CHN2: variants seen among roughly 807,000 people sequenced by gnomAD.
CHN2 encodes chimerin 2, also known as beta-chimaerin.
A neutral mutation model predicts 56.3 loss-of-function variants in CHN2; 35 were observed. The ratio of observed to expected loss-of-function variants is 0.62; its 90% CI spans 0.47 to 0.82. The LOEUF is 0.82. Ranked by LOEUF, CHN2 falls within the 40% of genes least tolerant of loss-of-function variation. The pLI is 0.00. For synonymous variants in CHN2, 210 were observed against 212.8 expected (o/e 0.99, Z 0.12); for missense variants, 491 against 580.5 (o/e 0.85, Z 1.58).
chr7:29,505,487 T>C (rs971093977), intron 10 of CHN2, among the ~76,000 whole-genome samples: 1 of 152,118 alleles, frequency 6.6e-6, no homozygotes, highest in African/African-American at 2.4e-5. Flanking sequence ...TCTTCAGACT[T>C]CTCTCCAGTT....
chr7:29,391,488 C>G (rs865822552), intron 3 of CHN2, among the ~76,000 whole-genome samples: 23 of 152,122 alleles, frequency 1.5e-4, no homozygotes, highest in African/African-American at 5.3e-4. Context: ...TAGTATATAT[C>G]TCATGCAATA....
intron 2 of CHN2, among the ~76,000 whole-genome samples, chr7:29,359,579 A>G (rs1204698249): frequency 6.6e-6 from 1 of 152,148 alleles, no homozygotes; most frequent in Admixed American, 6.5e-5. Context: ...AAAAAGCTTC[A>G]TGGCTTACTG....
At chr7:29,305,993 C>G (rs995306060) in intron 1 of CHN2, among the ~76,000 whole-genome samples, 16 of 151,986 alleles carry the variant, frequency 1.1e-4, no homozygotes, top group African/African-American at 3.9e-4. Flanking sequence ...ACTTCTAGCT[C>G]TGCTGGAATG....
At chr7:29,370,543 A>G (rs1271552276) in intron 3 of CHN2, among the ~76,000 whole-genome samples, 2 of 151,980 alleles carry the variant, frequency 1.3e-5, no homozygotes, top group Non-Finnish European at 1.5e-5. Context: ...TTGGTCTTCA[A>G]TCTATCTCTT....
intron 1 of CHN2, among the ~76,000 whole-genome samples, chr7:29,314,921 G>A (rs1168011666): frequency 2.0e-5 from 3 of 151,470 alleles, no homozygotes; most frequent in Admixed American, 6.6e-5. Context: ...TGATTAAAAC[G>A]ACATCTTGGG....
At chr7:29,294,097 A>G (rs2128871806) in intron 1 of CHN2, among the ~76,000 whole-genome samples, 1 of 151,710 alleles carries the variant, frequency 6.6e-6, no homozygotes, top group South Asian at 2.1e-4. Flanking sequence ...CGATCTCCTG[A>G]CCTCGTGATC....
chr7:29,186,039 A>C lies in CHN2; in HGVS notation c.274+39079A>C, dbSNP rs184178884. Among the ~76,000 whole-genome samples, 6 of 152,318 alleles carry C rather than the reference A, an allele frequency of 3.9e-5. No individual in the cohort carries two copies. In the East Asian group the frequency reaches 1.2e-3, roughly 29 times the overall value. ...TTGTTTGAGTAAGTTTAAGAAGTAAAAGTTCTAACTATGGAACTCTGAGCA... is the reference window on the plus strand; with the variant it reads ...TTGTTTGAGTAAGTTTAAGAAGTAACAGTTCTAACTATGGAACTCTGAGCA... On this transcript the variant is annotated intron_variant, in intron 2 of 6. Transcript: ENST00000439384.
At chr7:29,212,272 A>G in intron 1 of CHN2, 1 of 1,017,528 alleles carries the variant, frequency 9.8e-7, no homozygotes, top group South Asian at 1.3e-5. Context: ...CACCTCTTAA[A>G]TTTTTTCCCC....
chr7:29,276,782 A>C (rs942752023), intron 1 of CHN2, among the ~76,000 whole-genome samples: 3 of 152,182 alleles, frequency 2.0e-5, no homozygotes, highest in Non-Finnish European at 2.9e-5. Context: ...ATTTTAGATC[A>C]TTATATATGA....
At chr7:29,453,726 G>C (rs551439064) in intron 6 of CHN2, among the ~76,000 whole-genome samples, 3 of 152,262 alleles carry the variant, frequency 2.0e-5, no homozygotes, top group Middle Eastern at 3.4e-3. Context: ...GTTTGGATTT[G>C]ATAGAGAGAT....
At chr7:29,360,338 A>G (rs987473064) in intron 2 of CHN2, among the ~76,000 whole-genome samples, 1 of 152,080 alleles carries the variant, frequency 6.6e-6, no homozygotes, top group Admixed American at 6.5e-5. Flanking sequence ...CCTGACCAAT[A>G]TGGAGAAACC....
At chr7:29,352,797 G>A (rs1357604761) in intron 1 of CHN2, among the ~76,000 whole-genome samples, 3 of 152,166 alleles carry the variant, frequency 2.0e-5, no homozygotes, top group African/African-American at 7.2e-5. Flanking sequence ...CTGATGAGGT[G>A]GCATTGTATG....
Position 29,507,363 on chromosome 7 carries a change from C to T in CHN2, c.1127C>T (p.Ala376Val), listed in dbSNP as rs554558138. Residue 376 changes from alanine to valine, a missense_variant and splice_region_variant, in exon 11 of 13, where the codon GCA becomes GTA. Physicochemically the swap from Ala to Val is moderately conservative, Grantham distance 64. Coordinates refer to ENST00000222792, the MANE Select transcript of CHN2 (RefSeq NM_004067.4). ...ACCTATTCCAAATTTATAGATGCAG[C>T]AAGTAAGTACTTCAAATTAATTTTT... ...YDTYSKFIDA[A>V]KISNADERLE... 2.5e-6 allele frequency: 4 copies of T among 1,592,708 alleles called. No homozygotes were observed. The African/African-American group carries it at 4.1e-5, about 16-fold the overall frequency.
intron 3 of CHN2, among the ~76,000 whole-genome samples, chr7:29,374,911 A>T (rs1585196151): frequency 7.9e-6 from 1 of 126,026 alleles, no homozygotes; most frequent in African/African-American, 3.1e-5. Context: ...TTTTTGACGG[A>T]GTTTCGCTCT....
chr7:29,450,124 A>G (rs1479800378), intron 6 of CHN2, among the ~76,000 whole-genome samples: 1 of 152,226 alleles, frequency 6.6e-6, no homozygotes, highest in Non-Finnish European at 1.5e-5. Flanking sequence ...TTCTGTTTGC[A>G]GTGCACACTT....
intron 6 of CHN2, among the ~76,000 whole-genome samples, chr7:29,411,996 C>T (rs1803262926): frequency 6.6e-6 from 1 of 152,188 alleles, no homozygotes; most frequent in South Asian, 2.1e-4. Flanking sequence ...CCTCTGCTGT[C>T]CTTCATTCCC....
intron 9 of CHN2, among the ~76,000 whole-genome samples, chr7:29,503,241 C>T (rs907624749): frequency 1.3e-5 from 2 of 152,296 alleles, no homozygotes; most frequent in East Asian, 1.9e-4. Flanking sequence ...AGAGCAAGCT[C>T]GCTCTCTCAC....
intron 3 of CHN2, chr7:29,376,386 G>A (rs1358476278): frequency 1.3e-5 from 2 of 152,184 alleles, no homozygotes; most frequent in African/African-American, 4.8e-5. Flanking sequence ...TTCCAACCCA[G>A]ATAGTTCATA....
At chr7:29,273,339 A>ATATATG (rs1554387156) in intron 1 of CHN2, among the ~76,000 whole-genome samples, 8 of 82,274 alleles carry the variant, frequency 9.7e-5, no homozygotes, top group Middle Eastern at 5.6e-3. Context: ...ATATATATAT[A>ATATATG]TGTGTATATA....
Sources: allele counts gnomAD v4.1 joint callset (sites outside exome capture counted in the v4.1 genomes callset), GRCh38; gene constraint gnomAD v4.1.1; transcripts MANE v1.5; gene names NCBI Gene and HGNC (gene_info 2026-07-23, HGNC 2026-07-21).